MAGEA11: variants seen among roughly 807,000 people sequenced by gnomAD.
The protein encoded by MAGEA11 is MAGE family member A11, also known as melanoma-associated antigen 11.
Under a neutral mutation model 8.4 loss-of-function variants are expected in MAGEA11, and 1 was observed. That is an observed-to-expected ratio of 0.12 (90% CI 0.04 to 0.57). The LOEUF is 0.57. Among genes scored for constraint, MAGEA11 ranks in the 20% least tolerant of loss-of-function variants. The pLI, the probability that MAGEA11 is intolerant of heterozygous loss-of-function variation, is 0.91. For missense variants in MAGEA11, 209 were observed against 317.3 expected (o/e 0.66, Z 2.59); for synonymous variants, 127 against 119.3 (o/e 1.06, Z -0.42).
intron 1 of MAGEA11, among the ~76,000 whole-genome samples, chrX:149,692,515 A>C (rs1234551472): frequency 9.0e-6 from 1 of 111,282 alleles, no homozygotes; most frequent in Admixed American, 9.5e-5. Context: ...ACTTTGGTAA[A>C]GTTTGTTTCA....
At chrX:149,712,757 G>A (rs1473062720) in intron 1 of MAGEA11, among the ~76,000 whole-genome samples, 32 of 112,169 alleles carry the variant, frequency 2.9e-4, no homozygotes, top group Non-Finnish European at 4.0e-4. Context: ...GCCCCCCGCC[G>A]CTTAAGCCTC....
At chrX:149,694,184 G>A (rs781923712) in intron 1 of MAGEA11, among the ~76,000 whole-genome samples, 2 of 112,193 alleles carry the variant, frequency 1.8e-5, no homozygotes, top group Non-Finnish European at 3.8e-5. Context: ...TCTAGCAGTA[G>A]TGTATGAGGA....
upstream of MAGEA11, among the ~76,000 whole-genome samples, chrX:149,688,645 T>C (rs369462305): frequency 2.1e-5 from 2 of 96,715 alleles, no homozygotes; most frequent in African/African-American, 8.0e-5. Context: ...TGTATGTACA[T>C]ATACATATAC....
At chrX:149,709,880 C>T (rs782623279), upstream of MAGEA11, among the ~76,000 whole-genome samples, 11 of 111,682 alleles carry the variant, frequency 9.8e-5, no homozygotes, top group Admixed American at 1.9e-4. Flanking sequence ...AAATGTTGGA[C>T]GCATTCATGT....
upstream of MAGEA11, among the ~76,000 whole-genome samples, chrX:149,708,349 C>T (rs927209576): frequency 8.1e-5 from 9 of 111,636 alleles, no homozygotes; most frequent in Admixed American, 3.8e-4. Context: ...ACTTGAGTGA[C>T]GGGATCAATA....
chrX:149,714,277 G>A, intron 2 of MAGEA11: 1 of 525,350 alleles, frequency 1.9e-6, no homozygotes, highest in Non-Finnish European at 3.0e-6. Flanking sequence ...ATGAGGTCTT[G>A]GTGTAAAGGG....
upstream of MAGEA11, chrX:149,688,705 T>TATACATATACATATACATATACAC (rs1557359889): frequency 3.5e-5 from 5 of 141,801 alleles, no homozygotes; most frequent in African/African-American, 2.6e-4. Context: ...TACATATACA[T>TATACATATACATATACATATACAC]ATACACATAC....
At chrX:149,713,098 C>T in intron 1 of MAGEA11, 45 bp from the exon 2 acceptor site, 1 of 879,392 alleles carries the variant, frequency 1.1e-6, no homozygotes. Flanking sequence ...GAACAGCCCC[C>T]CCCCATAGTC....
At chrX:149,690,748 C>T (rs1398696620) in intron 1 of MAGEA11, among the ~76,000 whole-genome samples, 1 of 111,491 alleles carries the variant, frequency 9.0e-6, no homozygotes, top group Non-Finnish European at 1.9e-5. Context: ...CTCTTGATTC[C>T]TTTGTGTAGA....
At chrX:149,695,229 C>T (rs781844147) in intron 1 of MAGEA11, among the ~76,000 whole-genome samples, 1 of 111,243 alleles carries the variant, frequency 9.0e-6, no homozygotes, top group African/African-American at 3.3e-5. Flanking sequence ...CTTTTATTAG[C>T]TAATCCTTGC....
chrX:149,712,111 G>C lies in MAGEA11; in HGVS notation c.-69G>C. 3 of 753,446 alleles carry C rather than the reference G, an allele frequency of 4.0e-6. No homozygotes were observed. The highest frequency in any genetic ancestry group is 4.7e-6 in the Non-Finnish European group (3 of 638,742). 62.1% of individuals were successfully genotyped at this position (753,446 alleles called of 1,213,427 possible). On this transcript the variant is annotated 5_prime_UTR_variant, in exon 1 of 5. Coordinates refer to ENST00000355220, the MANE Select transcript of MAGEA11 (RefSeq NM_005366.5). ...AGAAGCGAAAGCGTCTTTCTGAGGG[G>C]TGTCTTGAGAGTGGCAGAGGGCAGC...
intron 1 of MAGEA11, among the ~76,000 whole-genome samples, chrX:149,712,463 A>T (rs372414699): frequency 1.8e-5 from 2 of 112,288 alleles, no homozygotes; most frequent in South Asian, 3.7e-4. Context: ...GTCCCTGCAG[A>T]CAACGCAAAG....
At chrX:149,710,281 T>A (rs1048528608), upstream of MAGEA11, among the ~76,000 whole-genome samples, 9 of 112,335 alleles carry the variant, frequency 8.0e-5, no homozygotes, top group Non-Finnish European at 1.7e-4. Context: ...TACTGATATA[T>A]CCAGTTCAAA....
upstream of MAGEA11, among the ~76,000 whole-genome samples, chrX:149,709,531 C>T (rs782242395): frequency 6.2e-4 from 69 of 111,494 alleles, no homozygotes; most frequent in Middle Eastern, 4.6e-3. Context: ...GTTTCAAATA[C>T]CAGAAGAGGA....
Position 149,691,776 on chromosome X carries a change from T to C in MAGEA11, c.9+2792T>C, listed in dbSNP as rs1421088660. On this transcript the variant is annotated intron_variant, in intron 1 of 3. Transcript: ENST00000333104. ...GTCTCCCTGTCCTCTAAATTCTACC[T>C]CCTCAACTCAAAAAACATCAAGGCT... Among the ~76,000 whole-genome samples, 3 of 112,411 alleles carry C rather than the reference T, an allele frequency of 2.7e-5. No homozygotes were observed. The East Asian group carries it at 8.4e-4, about 31-fold the overall frequency.
At chrX:149,694,831 C>T (rs1417071502) in intron 1 of MAGEA11, among the ~76,000 whole-genome samples, 7 of 110,556 alleles carry the variant, frequency 6.3e-5, no homozygotes, top group African/African-American at 2.3e-4. Context: ...AAGTGATTCT[C>T]CTGCCTCAGC....
At chrX:149,688,874 A>C in exon 1 of MAGEA11, 2 of 799,426 alleles carry the variant, frequency 2.5e-6, no homozygotes, top group Non-Finnish European at 3.5e-6. Flanking sequence ...GGAGGCTGAC[A>C]ATTTTTTTCC....
At position 149,716,464 on chromosome X, in the gene MAGEA11, G is replaced by C; in HGVS notation, c.978G>C (p.Gly326=). ...TCCTGGGTGTAATCTTCATGGAGGG[G>C]AACTGCATCCCTGAAGAGGTTATGT... ...IIVLGVIFME[G]NCIPEEVMWE... The change falls in exon 5 of 5, where the codon GGG becomes GGC. Residue 326 remains glycine (G), a synonymous_variant. Transcript: ENST00000355220. 3.3e-6 allele frequency: 4 copies of C among 1,211,301 alleles called. No individual in the cohort carries two copies. The highest frequency in any genetic ancestry group is 4.5e-6 in the Non-Finnish European group (4 of 894,993).
chrX:149,705,340 T>C (rs1557361371), intron 1 of MAGEA11, among the ~76,000 whole-genome samples: 1 of 111,589 alleles, frequency 9.0e-6, no homozygotes, highest in Admixed American at 9.5e-5. Context: ...CGAGATCTCA[T>C]GGTTTTTACA....
Sources: allele counts gnomAD v4.1 joint callset (sites outside exome capture counted in the v4.1 genomes callset), GRCh38; gene constraint gnomAD v4.1.1; transcripts MANE v1.5; gene names NCBI Gene and HGNC (gene_info 2026-07-23, HGNC 2026-07-21).